Variants in NAV3 observed in about 807,000 individuals in gnomAD.
NAV3 encodes the protein pore membrane and/or filament interacting like protein 1.
A neutral mutation model predicts 244.7 loss-of-function variants in NAV3; 87 were observed. That is an observed-to-expected ratio of 0.36 (90% CI 0.30 to 0.42). The LOEUF is 0.42. NAV3 is among the 20% of genes least tolerant of loss of function. The probability of loss-of-function intolerance (pLI) is 1.00; values close to 1 mark genes in which losing one functional copy is unlikely to be tolerated. For missense variants in NAV3, 2,663 were observed against 2,893.3 expected (o/e 0.92, Z 1.83); for synonymous variants, 1,126 against 1,042.2 (o/e 1.08, Z -1.55).
chr12:77,932,811 T>A (rs1377914937), intron 1 of NAV3, among the ~76,000 whole-genome samples: 2 of 152,196 alleles, frequency 1.3e-5, no homozygotes, highest in Non-Finnish European at 2.9e-5. Context: ...CCTTACCTGA[T>A]TCCTGGCCTC....
At chr12:78,151,999 C>T (rs932319331) in intron 22 of NAV3, among the ~76,000 whole-genome samples, 7 of 151,172 alleles carry the variant, frequency 4.6e-5, no homozygotes, top group Non-Finnish European at 1.0e-4. Flanking sequence ...TAGTTTCAAA[C>T]TAAAATATAA....
At chr12:78,042,246 T>G (rs1214008457) in intron 9 of NAV3, among the ~76,000 whole-genome samples, 2 of 152,206 alleles carry the variant, frequency 1.3e-5, no homozygotes, top group African/African-American at 4.8e-5. Flanking sequence ...CAAAATGGCT[T>G]AAGGACACTT....
At chr12:77,736,743 A>G (rs371896346) in intron 2 of NAV3, among the ~76,000 whole-genome samples, 132 of 152,348 alleles carry the variant, frequency 8.7e-4, no homozygotes, top group African/African-American at 3.0e-3. Flanking sequence ...ATTAAGTTCA[A>G]GCTACAGTGT....
chr12:78,072,299 A>T (rs1260702887), intron 12 of NAV3, among the ~76,000 whole-genome samples: 15 of 142,042 alleles, frequency 1.1e-4, no homozygotes, highest in African/African-American at 3.7e-4. Context: ...CAAGACTAAT[A>T]AAGAAAAAAA....
At chr12:78,109,657 A>G (rs1471819854) in intron 12 of NAV3, among the ~76,000 whole-genome samples, 1 of 152,078 alleles carries the variant, frequency 6.6e-6, no homozygotes, top group African/African-American at 2.4e-5. Flanking sequence ...TAAATCAATA[A>G]ACATGATAAG....
At chr12:77,987,249 AC>A (rs1870678843) in intron 5 of NAV3, among the ~76,000 whole-genome samples, 1 of 152,226 alleles carries the variant, frequency 6.6e-6, no homozygotes, top group African/African-American at 2.4e-5. Context: ...GATATTTGAT[AC>A]AGACAATATG....
At chr12:77,941,524 C>T (rs1037702177) in intron 3 of NAV3, among the ~76,000 whole-genome samples, 1 of 152,162 alleles carries the variant, frequency 6.6e-6, no homozygotes, top group African/African-American at 2.4e-5. Context: ...TTGTTCATAA[C>T]AAAGTCCAGT....
intron 2 of NAV3, among the ~76,000 whole-genome samples, chr12:77,793,908 C>A (rs1001176789): frequency 6.6e-6 from 1 of 152,140 alleles, no homozygotes; most frequent in Non-Finnish European, 1.5e-5. Context: ...CAATGTCTTC[C>A]ATAATGGTTG....
At position 78,054,995 on chromosome 12, in the gene NAV3, A is replaced by G. The variant is rs1593410173; in HGVS notation, c.2516+3848A>G. ...GCATTAAGGCTCCTGGGAAAAGAATATGGAAAGAACAGGGATCATAAACTG... is the reference window on the plus strand; with the variant it reads ...GCATTAAGGCTCCTGGGAAAAGAATGTGGAAAGAACAGGGATCATAAACTG... On this transcript the variant is annotated intron_variant, in intron 11 of 39. Transcript: ENST00000397909. Among the ~76,000 whole-genome samples, 3 of 152,306 alleles carry G rather than the reference A, an allele frequency of 2.0e-5. No homozygotes were observed. In the East Asian group the frequency reaches 5.8e-4, roughly 29 times the overall value.
At chr12:78,021,654 A>C in intron 8 of NAV3, 93 bp from the exon 9 acceptor site, 1 of 836,100 alleles carries the variant, frequency 1.2e-6, no homozygotes, top group Non-Finnish European at 1.9e-6. Flanking sequence ...TTGATGGAAA[A>C]TTTGTAATTA....
intron 18 of NAV3, among the ~76,000 whole-genome samples, chr12:78,135,705 T>C (rs1297785325): frequency 6.6e-6 from 1 of 152,202 alleles, no homozygotes; most frequent in African/African-American, 2.4e-5. Context: ...TTCAATGTCC[T>C]ACAGTGTACC....
At chr12:77,599,875 G>A (rs1468902564) in intron 2 of NAV3, among the ~76,000 whole-genome samples, 1 of 151,850 alleles carries the variant, frequency 6.6e-6, no homozygotes, top group Non-Finnish European at 1.5e-5. Context: ...CAAATACTAA[G>A]AAATATTGTA....
intron 1 of NAV3, among the ~76,000 whole-genome samples, chr12:77,918,727 C>T (rs1044066713): frequency 1.3e-5 from 2 of 151,992 alleles, no homozygotes; most frequent in African/African-American, 4.8e-5. Flanking sequence ...TCCATATGGT[C>T]ATCATCCAGT....
chr12:78,087,405 G>A (rs1953694380), intron 12 of NAV3, among the ~76,000 whole-genome samples: 1 of 152,030 alleles, frequency 6.6e-6, no homozygotes, highest in South Asian at 2.1e-4. Flanking sequence ...GAGGAGTAGG[G>A]AAAATCACTG....
At chr12:77,814,082 CATCTGT>C (rs1872424778) in intron 2 of NAV3, among the ~76,000 whole-genome samples, 1 of 152,094 alleles carries the variant, frequency 6.6e-6, no homozygotes, top group Non-Finnish European at 1.5e-5. Context: ...CGGAGCCCAG[CATCTGT>C]GTTTCGGCAA....
Position 78,182,911 on chromosome 12 carries a change from T to C in NAV3, c.5692+1866T>C, listed in dbSNP as rs891444940. On this transcript the variant is annotated intron_variant, in intron 30 of 39. Transcript: ENST00000397909. ...CAAAACTGCCTTTATGCTGGGGCTT[T>C]TTAACAGACAGACTTTCTAAGTTTC... is the stretch of plus-strand genomic sequence containing the variant. 2.0e-5 allele frequency among the ~76,000 whole-genome samples: 3 copies of C among 152,086 alleles called. No individual in the cohort carries two copies. The South Asian group carries it at 6.2e-4, about 32-fold the overall frequency.
At chr12:77,698,841 T>C (rs1053561952) in intron 2 of NAV3, among the ~76,000 whole-genome samples, 3 of 152,122 alleles carry the variant, frequency 2.0e-5, no homozygotes, top group Admixed American at 6.6e-5. Context: ...TTTAAAATGA[T>C]TCACCTATCC....
intron 5 of NAV3, among the ~76,000 whole-genome samples, chr12:77,975,038 T>C (rs1390517960): frequency 6.6e-6 from 1 of 152,202 alleles, no homozygotes; most frequent in Non-Finnish European, 1.5e-5. Flanking sequence ...ATTAAATATA[T>C]GAAAATAATT....
At chr12:77,943,207 A>G (rs1411119222) in intron 3 of NAV3, among the ~76,000 whole-genome samples, 2 of 152,148 alleles carry the variant, frequency 1.3e-5, no homozygotes, top group African/African-American at 2.4e-5. Flanking sequence ...TAATTTTTTT[A>G]TTACTTCTTA....
Sources: allele counts gnomAD v4.1 joint callset (sites outside exome capture counted in the v4.1 genomes callset), GRCh38; gene constraint gnomAD v4.1.1; transcripts MANE v1.5; gene names NCBI Gene and HGNC (gene_info 2026-07-23, HGNC 2026-07-21).